ADAMTSL1: variants seen among roughly 807,000 people sequenced by gnomAD.
ADAMTSL1 encodes the protein ADAMTS like 1.
Under a neutral mutation model 201.8 loss-of-function variants are expected in ADAMTSL1, and 126 were observed. That is an observed-to-expected ratio of 0.62 (90% confidence interval 0.54 to 0.72). ADAMTSL1 has a LOEUF of 0.72. Among genes scored for constraint, ADAMTSL1 ranks in the 30% least tolerant of loss-of-function variants. The pLI, the probability that ADAMTSL1 is intolerant of heterozygous loss-of-function variation, is 0.00. For missense variants in ADAMTSL1, 2,679 were observed against 2,277.8 expected, an observed-to-expected ratio of 1.18 and a Z score of -3.59; for synonymous variants, 1,121 against 903.4, an observed-to-expected ratio of 1.24 and a Z score of -4.32.
Position 18,889,647 on chromosome 9 carries a change from G to A in ADAMTSL1, c.4542G>A (p.Arg1514=). 6.2e-7 allele frequency: 1 copy of A among 1,612,852 alleles called. No homozygotes were observed. Among genetic ancestry groups the A allele is most frequent in the South Asian group, 1.1e-5 (1 of 90,898 alleles). Residue 1514 remains arginine, a synonymous_variant, in exon 25 of 29, where the codon AGG becomes AGA. Coordinates refer to ENST00000380548, the MANE Select transcript of ADAMTSL1 (RefSeq NM_001040272.6). ...GNRGVQQPRL[R]CLLNSTEVNP... is the part of the protein sequence containing the mutation. Reference sequence around the variant, plus strand: ...GGGGGGTTCAGCAGCCCCGCTTGAGGTGCCTGCTGAACAGCACGGAGGTCA... The same window carrying A: ...GGGGGGTTCAGCAGCCCCGCTTGAGATGCCTGCTGAACAGCACGGAGGTCA...
At chr9:17,937,562 G>A (rs73416820) in intron 1 of ADAMTSL1, among the ~76,000 whole-genome samples, 1,366 of 116,268 alleles carry the variant, frequency 0.012, 23 homozygotes, top group African/African-American at 0.041. Context: ...TATAAACTTT[G>A]GTAATATTAA....
intron 9 of ADAMTSL1, among the ~76,000 whole-genome samples, chr9:18,663,448 G>A (rs987502270): frequency 1.3e-5 from 2 of 152,046 alleles, no homozygotes; most frequent in African/African-American, 4.8e-5. Flanking sequence ...CTTTATTTTG[G>A]AAATCTTAAG....
chr9:18,409,624 GT>G (rs1042490711), intron 2 of ADAMTSL1, among the ~76,000 whole-genome samples: 1 of 150,622 alleles, frequency 6.6e-6, no homozygotes. Context: ...AGTTTAAACT[GT>G]TTTTTTGTGT....
chr9:18,051,605 C>A (rs1037341726), intron 1 of ADAMTSL1, among the ~76,000 whole-genome samples: 8 of 150,458 alleles, frequency 5.3e-5, no homozygotes, highest in African/African-American at 1.7e-4. Flanking sequence ...TCTGCAAATA[C>A]AGTTAGGCTA....
chr9:18,135,578 T>G (rs1185810599), intron 1 of ADAMTSL1, among the ~76,000 whole-genome samples: 1 of 152,086 alleles, frequency 6.6e-6, no homozygotes, highest in Non-Finnish European at 1.5e-5. Context: ...GGAGAACTGC[T>G]GAGCCCAGGA....
chr9:18,350,581 G>T (rs1835923542), intron 2 of ADAMTSL1, among the ~76,000 whole-genome samples: 2 of 152,132 alleles, frequency 1.3e-5, no homozygotes, highest in African/African-American at 4.8e-5. Context: ...GAACAGAAAG[G>T]TAGGGGGTGT....
chr9:18,243,779 G>A (rs959073769), intron 2 of ADAMTSL1, among the ~76,000 whole-genome samples: 1 of 150,038 alleles, frequency 6.7e-6, no homozygotes, highest in African/African-American at 2.4e-5. Flanking sequence ...AAGGCTTCCT[G>A]ATATTTTCTT....
intron 1 of ADAMTSL1, among the ~76,000 whole-genome samples, chr9:18,081,190 C>T (rs1823485739): frequency 6.6e-6 from 1 of 152,150 alleles, no homozygotes; most frequent in Non-Finnish European, 1.5e-5. Flanking sequence ...TAGTAAGTGG[C>T]AGTTACTGTC....
rs1197302606 is a variant in ADAMTSL1, at chr9:18,634,927, A to T, written c.602-1016A>T. 2.0e-5 allele frequency among the ~76,000 whole-genome samples: 3 copies of T among 147,424 alleles called. No homozygotes were observed. In the East Asian group the frequency reaches 5.9e-4, roughly 29 times the overall value. On this transcript the variant is annotated intron_variant, in intron 5 of 28. Coordinates refer to ENST00000380548, the MANE Select transcript of ADAMTSL1 (RefSeq NM_001040272.6). ...TATATTTAATATATATATATTAAAT[A>T]AAAAAGATAAGTATGAACAAAGAAT...
At chr9:18,514,188 A>G (rs1448694957) in intron 2 of ADAMTSL1, among the ~76,000 whole-genome samples, 2 of 152,156 alleles carry the variant, frequency 1.3e-5, no homozygotes, top group East Asian at 3.8e-4. Context: ...TGTGATTGTC[A>G]GTGTTCAAGT....
Position 18,248,714 on chromosome 9 carries a change from G to A in ADAMTSL1, c.207+84733G>A, listed in dbSNP as rs192095628. Among the ~76,000 whole-genome samples, 552 of 152,252 alleles carry A rather than the reference G, an allele frequency of 3.6e-3. 1 individual carries two copies. Among genetic ancestry groups the A allele is most frequent in the Admixed American group, 6.7e-3 (103 of 15,292 alleles). On this transcript the variant is annotated intron_variant, in intron 2 of 29. Coordinates refer to the ADAMTSL1 transcript ENST00000680146. ...GCAAACGCATCGTCCATTGCGGGGG[G>A]CCATAACCCTTTTTTGGTCTGTGTG... is the stretch of plus-strand genomic sequence containing the variant.
At chr9:17,953,565 T>C (rs997818782) in intron 1 of ADAMTSL1, among the ~76,000 whole-genome samples, 6 of 152,158 alleles carry the variant, frequency 3.9e-5, no homozygotes, top group Admixed American at 3.9e-4. Context: ...ACAATCAAAA[T>C]GCCAATCACT....
rs10557934 is a variant in ADAMTSL1, at chr9:18,448,027, T to TTCTC, written c.208-56782_208-56779dup. 3.7e-4 allele frequency among the ~76,000 whole-genome samples: 55 copies of TTCTC among 149,842 alleles called. No individual in the cohort carries two copies. The South Asian group carries it at 4.2e-3, about 12-fold the overall frequency. The stretch of plus-strand genomic sequence containing the variant: ...TTGTGTGCGTGCTCGCTCTCGCTCT[T>TTCTC]TCTCTCTCTCTCTCTCTCTCTCTGC... On this transcript the variant is annotated intron_variant, in intron 2 of 29. Coordinates refer to the ADAMTSL1 transcript ENST00000680146.
chr9:18,236,376 T>G (rs1830849529), intron 2 of ADAMTSL1, among the ~76,000 whole-genome samples: 2 of 152,216 alleles, frequency 1.3e-5, no homozygotes, highest in African/African-American at 4.8e-5. Context: ...GCATGGCCTG[T>G]CTGTGGAGTT....
At chr9:17,988,599 C>G (rs995797892) in intron 1 of ADAMTSL1, among the ~76,000 whole-genome samples, 2 of 150,468 alleles carry the variant, frequency 1.3e-5, no homozygotes, top group Middle Eastern at 3.2e-3. Context: ...AAGAGATGGC[C>G]AAGAGTACCA....
rs563021690 is a variant in ADAMTSL1 at position 18,064,954 on chromosome 9, A to ATTTTT, written c.88-98878_88-98874dup. The stretch of plus-strand genomic sequence containing the variant: ...ATTCAGAAAGCAGTATTTGCTAAAG[A>ATTTTT]TTTTTTTTTTTTTTTTTTTTTTTTT... On this transcript the variant is annotated intron_variant, in intron 1 of 29. Transcript: ENST00000680146. Among the ~76,000 whole-genome samples the ATTTTT allele has an allele frequency of 4.1e-3, 281 of 68,994 alleles. 9 individuals are homozygous for ATTTTT. Among genetic ancestry groups the ATTTTT allele is most frequent in the African/African-American group, 5.2e-3 (92 of 17,572 alleles). The allele number at this position is 68,994 out of a possible 152,430, so 45.3% of individuals were successfully genotyped here.
At chr9:18,793,072 C>T (rs1326791630) in intron 19 of ADAMTSL1, among the ~76,000 whole-genome samples, 1 of 152,180 alleles carries the variant, frequency 6.6e-6, no homozygotes, top group Non-Finnish European at 1.5e-5. Flanking sequence ...TTGAATGCCA[C>T]AAAACTTGAG....
intron 1 of ADAMTSL1, among the ~76,000 whole-genome samples, chr9:17,950,277 A>G (rs1827682005): frequency 6.6e-6 from 1 of 152,126 alleles, no homozygotes; most frequent in Non-Finnish European, 1.5e-5. Context: ...ATAGTACAGT[A>G]TTTTACAGTG....
chr9:17,928,620 A>ATTT (rs1443661803), intron 1 of ADAMTSL1, among the ~76,000 whole-genome samples: 1 of 152,036 alleles, frequency 6.6e-6, no homozygotes, highest in Non-Finnish European at 1.5e-5. Flanking sequence ...AAAAGAAATT[A>ATTT]TGTGTTCTGT....
Sources: gnomAD v4.1 joint callset for allele counts (sites outside exome capture counted in the v4.1 genomes callset) on GRCh38, gnomAD v4.1.1 for gene constraint, MANE v1.5 for transcripts, NCBI Gene and HGNC (gene_info 2026-07-23, HGNC 2026-07-21) for gene names.